MICU3: variants seen among roughly 807,000 people sequenced by gnomAD.
MICU3 encodes the protein mitochondrial calcium uptake 3.
In MICU3, 62 loss-of-function variants were observed where a neutral mutation model predicts 66.5. That is an observed-to-expected ratio of 0.93 (90% confidence interval 0.76 to 1.15). MICU3 has a LOEUF of 1.15. MICU3 is among the 50% of genes most tolerant of loss of function. The pLI is 0.00. For synonymous variants in MICU3, 308 were observed against 240.7 expected (o/e 1.28, Z -2.59); for missense variants, 779 against 664.4 (o/e 1.17, Z -1.90).
chr8:17,073,302 A>G (rs1819882452), intron 3 of MICU3, among the ~76,000 whole-genome samples: 3 of 152,120 alleles, frequency 2.0e-5, no homozygotes, highest in Admixed American at 2.0e-4. Context: ...TGCTCACATT[A>G]CTGCCTGAGC....
chr8:17,064,245 C>T lies in MICU3; in HGVS notation c.535+8C>T, dbSNP rs142470780. On this transcript the variant is annotated splice_region_variant and intron_variant, in intron 2 of 14. Transcript: ENST00000318063. ...CAACAGATGAGCCCAAAGGTAAGTA[C>T]ACTTTTGAAATTATCTTAATAATTG... 54 of 1,598,528 alleles carry T rather than the reference C, an allele frequency of 3.4e-5. No individual in the cohort carries two copies. Among genetic ancestry groups the T allele is most frequent in the Non-Finnish European group, 4.1e-5 (48 of 1,172,624 alleles).
At chr8:17,092,926 C>T (rs889267349) in intron 8 of MICU3, among the ~76,000 whole-genome samples, 4 of 151,980 alleles carry the variant, frequency 2.6e-5, no homozygotes, top group Non-Finnish European at 5.9e-5. Flanking sequence ...CCAGTTTCTA[C>T]CTTTAGGAAG....
intron 1 of MICU3, among the ~76,000 whole-genome samples, chr8:17,058,150 A>C (rs1489936824): frequency 6.6e-6 from 1 of 152,162 alleles, no homozygotes; most frequent in Non-Finnish European, 1.5e-5. Flanking sequence ...ACTTAGCGAC[A>C]AGTTTTTACT....
chr8:17,027,472 G>A lies in MICU3; in HGVS notation c.193G>A (p.Gly65Arg), dbSNP rs1037229859. 2 of 1,291,064 alleles carry A rather than the reference G, an allele frequency of 1.5e-6. No individual in the cohort carries two copies. Among genetic ancestry groups the A allele is most frequent in the African/African-American group, 1.5e-5 (1 of 64,718 alleles). The allele number at this position is 1,291,064 out of a possible 1,614,324, so 80.0% of individuals were successfully genotyped here. A position where few individuals can be genotyped will look rare whatever the true frequency, so the allele number is the denominator to read the frequency against. The change falls in exon 1 of 15, where the codon GGG (glycine) becomes AGG (arginine). Residue 65 changes from glycine to arginine, a missense_variant. Gly to Arg is a moderately radical substitution (Grantham distance 125). Transcript: ENST00000318063. ...GGCATGGAGGCGGCGGCGGCGCTGG[G>A]GGGAGCTGAGCGTGGCGGCGGCGGC... Reference protein sequence around the residue: ...EAAWRRRRRWGELSVAAAAGG... With the variant: ...EAAWRRRRRWRELSVAAAAGG...
chr8:17,087,918 G>A (rs1483667193), intron 7 of MICU3, among the ~76,000 whole-genome samples: 1 of 151,982 alleles, frequency 6.6e-6, no homozygotes, highest in Admixed American at 6.6e-5. Flanking sequence ...TGTTTCATTT[G>A]CAAATTGATG....
chr8:17,056,761 C>G lies in MICU3; in HGVS notation c.382-7323C>G, dbSNP rs76627031. On this transcript the variant is annotated intron_variant, in intron 1 of 14. Transcript: ENST00000318063. ...GATGTGGAGCAGTCAGTAGCTTATACAGTAGAGAGGGTGTGGCAGCAGAAG... is the reference window on the plus strand; with the variant it reads ...GATGTGGAGCAGTCAGTAGCTTATAGAGTAGAGAGGGTGTGGCAGCAGAAG... Among the ~76,000 whole-genome samples the G allele has an allele frequency of 1.8e-3, 268 of 152,288 alleles. 1 individual carries two copies. The highest frequency in any genetic ancestry group is 5.9e-3 in the African/African-American group (247 of 41,556).
At chr8:17,104,812 G>A (rs1801600026) in intron 10 of MICU3, among the ~76,000 whole-genome samples, 1 of 44,024 alleles carries the variant, frequency 2.3e-5, no homozygotes, top group African/African-American at 3.6e-4. Context: ...TGGCTAACAC[G>A]GTGAAACCCC....
At chr8:17,028,445 G>C (rs1811426722) in intron 1 of MICU3, among the ~76,000 whole-genome samples, 1 of 152,148 alleles carries the variant, frequency 6.6e-6, no homozygotes, top group African/African-American at 2.4e-5. Flanking sequence ...GTAAAGGAGC[G>C]TGATTTTTTT....
chr8:17,081,433 G>C (rs953430763), intron 4 of MICU3, among the ~76,000 whole-genome samples: 2 of 152,146 alleles, frequency 1.3e-5, no homozygotes, highest in Admixed American at 6.5e-5. Flanking sequence ...AAAAGTTACT[G>C]CTATACGTAT....
chr8:17,041,023 T>C (rs1279846414), intron 1 of MICU3, among the ~76,000 whole-genome samples: 2 of 152,186 alleles, frequency 1.3e-5, no homozygotes, highest in Non-Finnish European at 2.9e-5. Flanking sequence ...AGGTGTCTTT[T>C]GGACAGCTGA....
chr8:17,093,595 T>A (rs1800317783), intron 8 of MICU3, among the ~76,000 whole-genome samples: 1 of 151,994 alleles, frequency 6.6e-6, no homozygotes, highest in Non-Finnish European at 1.5e-5. Context: ...TTACAATAGA[T>A]TTGTTAACTT....
chr8:17,093,001 C>G (rs762686516), intron 8 of MICU3, among the ~76,000 whole-genome samples: 11 of 152,028 alleles, frequency 7.2e-5, no homozygotes. Context: ...ACTCTGTGGT[C>G]TCTGTAGTGA....
At position 17,121,408 on chromosome 8, in the gene MICU3, A is replaced by T. The variant is rs976658038; in HGVS notation, c.*1121A>T. The T allele has an allele frequency of 1.3e-5, 2 of 151,906 alleles. No individual in the cohort carries two copies. Among genetic ancestry groups the T allele is most frequent in the Non-Finnish European group, 3.0e-5 (2 of 67,790 alleles). The allele number at this position is 151,906 out of a possible 1,614,324, so 9.4% of individuals were successfully genotyped here. On this transcript the variant is annotated 3_prime_UTR_variant, in exon 15 of 15. Coordinates refer to ENST00000318063, the MANE Select transcript of MICU3 (RefSeq NM_181723.3). ...TTCTGTTGAATCACAACAAAATTAG[A>T]TTTGTACATAGAGAAACAATTTGAT...
chr8:17,070,535 G>A (rs1819402063), intron 3 of MICU3, among the ~76,000 whole-genome samples: 1 of 151,818 alleles, frequency 6.6e-6, no homozygotes, highest in African/African-American at 2.4e-5. Context: ...CATCAGTGAT[G>A]GGCTCAAAGA....
intron 1 of MICU3, among the ~76,000 whole-genome samples, chr8:17,033,069 T>A (rs979237832): frequency 1.3e-5 from 2 of 152,156 alleles, no homozygotes; most frequent in Admixed American, 6.5e-5. Context: ...GTTCCCTCAG[T>A]CACAAAAATA....
At chr8:17,054,904 A>C (rs999074235) in intron 1 of MICU3, among the ~76,000 whole-genome samples, 7 of 151,470 alleles carry the variant, frequency 4.6e-5, no homozygotes, top group Admixed American at 2.6e-4. Flanking sequence ...ATGCCCGGCT[A>C]ATTTTTGTAT....
At chr8:17,039,406 G>A (rs1450196678) in intron 1 of MICU3, among the ~76,000 whole-genome samples, 1 of 152,214 alleles carries the variant, frequency 6.6e-6, no homozygotes, top group Non-Finnish European at 1.5e-5. Context: ...CTAATTCTAT[G>A]TGGAATAGCA....
Position 17,116,521 on chromosome 8 carries a change from T to C in MICU3, c.1445T>C (p.Phe482Ser). The C allele has an allele frequency of 6.4e-7, 1 of 1,574,014 alleles. No individual in the cohort carries two copies. The change falls in exon 13 of 15, where the codon TTT (phenylalanine) becomes TCT (serine). Residue 482 changes from phenylalanine to serine, a missense_variant. Coordinates refer to ENST00000318063, the MANE Select transcript of MICU3 (RefSeq NM_181723.3). ...TTAGTGAACACTGTCTTCAAGATTT[T>C]TGATGTTGACAAAGATGATCAATTA... ...PHLVNTVFKIFDVDKDDQLSY... is the reference protein window; with the variant it reads ...PHLVNTVFKISDVDKDDQLSY...
At chr8:17,133,268 A>T in the MICU3 span, among the ~76,000 whole-genome samples, 1 of 152,206 alleles carries the variant, frequency 6.6e-6, no homozygotes, top group Admixed American at 6.5e-5. Context: ...GGATTAGTCC[A>T]ATCAAACTGC....
Sources: allele counts gnomAD v4.1 joint callset (sites outside exome capture counted in the v4.1 genomes callset), GRCh38; gene constraint gnomAD v4.1.1; transcripts MANE v1.5; gene names NCBI Gene and HGNC (gene_info 2026-07-23, HGNC 2026-07-21).